The following FAT3 variants were observed in gnomAD, a reference collection of about 807,000 sequenced individuals.
FAT3 encodes protocadherin Fat 3.
FAT3 carries 95 observed loss-of-function variants against 310.2 expected under a neutral mutation model. The ratio of observed to expected loss-of-function variants is 0.31; its 90% confidence interval spans 0.26 to 0.36. The LOEUF (loss-of-function observed/expected upper bound fraction) is 0.36. Among genes scored for constraint, FAT3 ranks in the 10% least tolerant of loss-of-function variants. The probability of loss-of-function intolerance (pLI) is 1.00; values close to 1 mark genes in which losing one functional copy is unlikely to be tolerated. For synonymous variants in FAT3, 2,314 were observed against 2,192.9 expected (o/e 1.06, Z -1.54); for missense variants, 5,408 against 5,715.6 (o/e 0.95, Z 1.74).
intron 1 of FAT3, among the ~76,000 whole-genome samples, chr11:92,304,028 AAT>A (rs1947061963): frequency 6.6e-6 from 1 of 152,138 alleles, no homozygotes; most frequent in Non-Finnish European, 1.5e-5. Context: ...GGAGTTTTAG[AAT>A]ATGTATCTGG....
In FAT3 at chr11:92,882,744, G is replaced by A. The variant is rs2136407587; in HGVS notation, c.12288G>A (p.Glu4096=). The A allele has an allele frequency of 1.9e-6, 3 of 1,599,144 alleles. No homozygotes were observed. Among genetic ancestry groups the A allele is most frequent in the Non-Finnish European group, 2.6e-6 (3 of 1,170,938 alleles). The part of the protein sequence containing the change: ...CKAGLTGVTC[E]EDINECEREE... ...GGCTTCTGTGTCGCCGCAGGTGTGA[G>A]GAGGACATCAATGAGTGCGAACGAG... is the stretch of plus-strand genomic sequence containing the variant. Residue 4096 remains glutamate (E), a synonymous_variant, in exon 24 of 28, where the codon GAG becomes GAA. Transcript: ENST00000525166.
At chr11:92,640,324 C>T (rs1941913386) in intron 3 of FAT3, among the ~76,000 whole-genome samples, 1 of 152,182 alleles carries the variant, frequency 6.6e-6, no homozygotes, top group African/African-American at 2.4e-5. Flanking sequence ...TGAGGTGCTT[C>T]ATCCTGCTGA....
chr11:92,624,115 T>A (rs1941215931), intron 3 of FAT3, among the ~76,000 whole-genome samples: 1 of 152,010 alleles, frequency 6.6e-6, no homozygotes, highest in Admixed American at 6.6e-5. Flanking sequence ...GCAAAGACAG[T>A]TTTGGAATCA....
At chr11:92,786,754 A>G (rs954510125) in intron 7 of FAT3, among the ~76,000 whole-genome samples, 21 of 152,202 alleles carry the variant, frequency 1.4e-4, no homozygotes, top group Admixed American at 1.4e-3. Flanking sequence ...TCCCAATTCT[A>G]GAACCAAATA....
At chr11:92,592,041 A>G (rs889808446) in intron 3 of FAT3, among the ~76,000 whole-genome samples, 2 of 152,172 alleles carry the variant, frequency 1.3e-5, no homozygotes, top group Non-Finnish European at 2.9e-5. Context: ...TAAAAATAAT[A>G]TATCAATATT....
intron 4 of FAT3, among the ~76,000 whole-genome samples, chr11:92,716,151 G>A (rs1206932264): frequency 6.6e-6 from 1 of 152,174 alleles, no homozygotes; most frequent in South Asian, 2.1e-4. Flanking sequence ...TCCAACTGCA[G>A]GTAGTGGTAG....
At chr11:92,318,990 C>T (rs1470810219) in intron 1 of FAT3, among the ~76,000 whole-genome samples, 1 of 152,154 alleles carries the variant, frequency 6.6e-6, no homozygotes, top group Non-Finnish European at 1.5e-5. Flanking sequence ...GTGCAATAAA[C>T]ACAACAAACA....
rs1949912951 is a variant in FAT3 at position 92,891,242 on chromosome 11, C to T, written c.*129C>T. ...TACTGTATTTTTCCACTAGAAACTT[C>T]TTCACAAGTCATACTGTCCCAACAA... On this transcript the variant is annotated 3_prime_UTR_variant, in exon 28 of 28. Transcript: ENST00000525166. The T allele has an allele frequency of 8.2e-7, 1 of 1,226,212 alleles. No homozygotes were observed. The highest frequency in any genetic ancestry group is 1.1e-6 in the Non-Finnish European group (1 of 890,762). 76.0% of individuals were successfully genotyped at this position (1,226,212 alleles called of 1,614,324 possible).
intron 7 of FAT3, among the ~76,000 whole-genome samples, chr11:92,781,398 C>A (rs1418531845): frequency 6.6e-6 from 1 of 151,894 alleles, no homozygotes; most frequent in African/African-American, 2.4e-5. Context: ...TTCCCTATAA[C>A]TCTGGGATAC....
At chr11:92,860,218 TATG>T (rs1210194916) in intron 21 of FAT3, among the ~76,000 whole-genome samples, 3 of 152,210 alleles carry the variant, frequency 2.0e-5, no homozygotes, top group Non-Finnish European at 4.4e-5. Flanking sequence ...ATACAGCTAA[TATG>T]ATAAGTTTGT....
chr11:92,385,445 G>A (rs117228134), intron 2 of FAT3, among the ~76,000 whole-genome samples: 3,197 of 152,224 alleles, frequency 0.021, 50 homozygotes, highest in Non-Finnish European at 0.03. Context: ...TTGGCTCACT[G>A]CAGTCTCTGC....
At chr11:92,665,236 G>A (rs1006796913) in intron 3 of FAT3, among the ~76,000 whole-genome samples, 1 of 152,132 alleles carries the variant, frequency 6.6e-6, no homozygotes, top group Non-Finnish European at 1.5e-5. Flanking sequence ...CTACTGCCCC[G>A]AGTTATCTGA....
At chr11:92,280,071 A>G (rs1420233645) in intron 1 of FAT3, among the ~76,000 whole-genome samples, 1 of 152,156 alleles carries the variant, frequency 6.6e-6, no homozygotes, top group African/African-American at 2.4e-5. Flanking sequence ...CTAGTATAAA[A>G]TCATAGGTAT....
At chr11:92,556,638 T>C (rs777304047) in intron 3 of FAT3, among the ~76,000 whole-genome samples, 1 of 152,202 alleles carries the variant, frequency 6.6e-6, no homozygotes, top group Non-Finnish European at 1.5e-5. Flanking sequence ...GGTGCTGGAA[T>C]ACTACAAGGA....
At chr11:92,426,079 A>C (rs1169685269) in intron 2 of FAT3, among the ~76,000 whole-genome samples, 1 of 152,182 alleles carries the variant, frequency 6.6e-6, no homozygotes, top group African/African-American at 2.4e-5. Context: ...CGCCATTCTA[A>C]CTAGCGTGAG....
At chr11:92,312,452 C>T (rs1300757605) in intron 1 of FAT3, among the ~76,000 whole-genome samples, 1 of 152,102 alleles carries the variant, frequency 6.6e-6, no homozygotes, top group African/African-American at 2.4e-5. Flanking sequence ...GGTTTCCAAG[C>T]CTCTGAAAGT....
intron 2 of FAT3, among the ~76,000 whole-genome samples, chr11:92,477,728 G>T (rs1222726776): frequency 6.6e-6 from 1 of 152,142 alleles, no homozygotes; most frequent in Admixed American, 6.5e-5. Context: ...CCTAGAGCAG[G>T]TGCCGAGTAA....
At chr11:92,586,088 G>T (rs1318584776) in intron 3 of FAT3, among the ~76,000 whole-genome samples, 1 of 151,984 alleles carries the variant, frequency 6.6e-6, no homozygotes, top group East Asian at 1.9e-4. Flanking sequence ...CCCATGAGAG[G>T]AGAAGGATGT....
chr11:92,610,193 A>G (rs953622544), intron 3 of FAT3, among the ~76,000 whole-genome samples: 4 of 152,246 alleles, frequency 2.6e-5, no homozygotes, highest in African/African-American at 9.6e-5. Flanking sequence ...TAAAATTCAC[A>G]TGAGAAGGGG....
Sources: allele counts gnomAD v4.1 joint callset (sites outside exome capture counted in the v4.1 genomes callset), GRCh38; gene constraint gnomAD v4.1.1; transcripts MANE v1.5; gene names NCBI Gene and HGNC (gene_info 2026-07-23, HGNC 2026-07-21).